Variants in PPFIA2 observed in about 807,000 individuals in gnomAD.
The protein encoded by PPFIA2 is liprin-alpha-2.
PPFIA2 carries 46 observed loss-of-function variants against 175.5 expected under a neutral mutation model. That is an observed-to-expected ratio of 0.26 (90% CI 0.21 to 0.34). The LOEUF (loss-of-function observed/expected upper bound fraction) is 0.34, where lower values mean the gene tolerates loss of function less well. Among genes scored for constraint, PPFIA2 ranks in the 10% least tolerant of loss-of-function variants. The pLI, the probability that PPFIA2 is intolerant of heterozygous loss-of-function variation, is 1.00. For missense variants in PPFIA2, 1,179 were observed against 1,506.1 expected (o/e 0.78, Z 3.60); for synonymous variants, 568 against 511.4 (o/e 1.11, Z -1.49).
chr12:81,664,698 A>T lies in PPFIA2; in HGVS notation c.303+12093T>A, dbSNP rs139036734. Among the ~76,000 whole-genome samples, 17 of 152,274 alleles carry T rather than the reference A, an allele frequency of 1.1e-4. No individual in the cohort carries two copies. In the East Asian group the frequency reaches 3.3e-3, roughly 29 times the overall value. On this transcript the variant is annotated intron_variant, in intron 4 of 32. Coordinates refer to ENST00000549396, the MANE Select transcript of PPFIA2 (RefSeq NM_003625.5). ...CATCCCATTACTGGGTACATACCCAAAGGATTATAAATCATGCTGCTATAA... is the reference window on the plus strand; with the variant it reads ...CATCCCATTACTGGGTACATACCCATAGGATTATAAATCATGCTGCTATAA...
At chr12:81,691,533 G>A (rs1314524481) in intron 3 of PPFIA2, among the ~76,000 whole-genome samples, 2 of 152,052 alleles carry the variant, frequency 1.3e-5, no homozygotes, top group East Asian at 3.9e-4. Context: ...CAGGCACAAT[G>A]ACAAGATAAC....
intron 11 of PPFIA2, among the ~76,000 whole-genome samples, chr12:81,373,032 A>G (rs559709515): frequency 2.0e-5 from 3 of 151,892 alleles, no homozygotes; most frequent in African/African-American, 7.2e-5. Flanking sequence ...TTCTAAATCA[A>G]TAATTCTTGG....
At chr12:81,706,993 T>C (rs1031081384) in intron 3 of PPFIA2, among the ~76,000 whole-genome samples, 15 of 152,118 alleles carry the variant, frequency 9.9e-5, no homozygotes, top group African/African-American at 3.4e-4. Context: ...ACTGGATCCC[T>C]TCCTTACACC....
intron 3 of PPFIA2, among the ~76,000 whole-genome samples, chr12:81,677,513 C>A (rs909245896): frequency 4.0e-5 from 6 of 151,876 alleles, no homozygotes; most frequent in Admixed American, 6.6e-5. Context: ...CTAGCCTTCC[C>A]AGTCTGTGGT....
chr12:81,290,257 T>TAA (rs34420766), intron 24 of PPFIA2, among the ~76,000 whole-genome samples: 210 of 147,684 alleles, frequency 1.4e-3, no homozygotes, highest in East Asian at 4.9e-3. Context: ...ATAACTTTGT[T>TAA]AAAAAAAAAA....
intron 7 of PPFIA2, among the ~76,000 whole-genome samples, chr12:81,428,407 A>G (rs1393964087): frequency 6.6e-6 from 1 of 152,030 alleles, no homozygotes; most frequent in Admixed American, 6.6e-5. Flanking sequence ...AGTAGCAAAC[A>G]GCAATTTTGT....
chr12:81,681,042 G>A (rs1357071703), intron 3 of PPFIA2, among the ~76,000 whole-genome samples: 1 of 151,916 alleles, frequency 6.6e-6, no homozygotes, highest in Non-Finnish European at 1.5e-5. Flanking sequence ...TCTTTATGCT[G>A]ACTGTGTAAG....
chr12:81,363,534 T>G (rs2031856847), intron 14 of PPFIA2, among the ~76,000 whole-genome samples: 1 of 151,742 alleles, frequency 6.6e-6, no homozygotes, highest in African/African-American at 2.4e-5. Flanking sequence ...ACTGTTATAT[T>G]GTTTTACAGG....
intron 7 of PPFIA2, among the ~76,000 whole-genome samples, chr12:81,421,186 A>T (rs2046180015): frequency 6.6e-6 from 1 of 152,138 alleles, no homozygotes; most frequent in Non-Finnish European, 1.5e-5. Context: ...TTCAAATTTT[A>T]ACAAAAACAT....
In PPFIA2 at chr12:81,438,713, G is replaced by T. The variant is rs186058886; in HGVS notation, c.645+1259C>A. Among the ~76,000 whole-genome samples, 530 of 151,914 alleles carry T rather than the reference G, an allele frequency of 3.5e-3. 2 individuals carry two copies. The highest frequency in any genetic ancestry group is 6.4e-3 in the Admixed American group (97 of 15,242). Reference sequence around the variant, plus strand: ...CATAATAGATGTACATACTTTGGGGGTACTTGTGATAATTTGATACATTCA... The same window carrying T: ...CATAATAGATGTACATACTTTGGGGTTACTTGTGATAATTTGATACATTCA... On this transcript the variant is annotated intron_variant, in intron 7 of 32. Coordinates refer to ENST00000549396, the MANE Select transcript of PPFIA2 (RefSeq NM_003625.5).
chr12:81,373,708 C>T (rs999402167), intron 11 of PPFIA2, among the ~76,000 whole-genome samples: 129 of 151,908 alleles, frequency 8.5e-4, no homozygotes, highest in African/African-American at 3.0e-3. Flanking sequence ...TAATTATTTG[C>T]TTTTTTAGAA....
chr12:81,484,012 A>C (rs973323327), intron 4 of PPFIA2, among the ~76,000 whole-genome samples: 3 of 151,964 alleles, frequency 2.0e-5, no homozygotes, highest in Admixed American at 6.6e-5. Flanking sequence ...CACTTTTAAA[A>C]TGTCCTACTG....
In PPFIA2 at chr12:81,686,367, T is replaced by C. The variant is rs946739516; in HGVS notation, c.250-9523A>G. Among the ~76,000 whole-genome samples the C allele has an allele frequency of 7.2e-5, 11 of 152,150 alleles. No homozygotes were observed. The South Asian group carries it at 1.2e-3, about 17-fold the overall frequency. On this transcript the variant is annotated intron_variant, in intron 3 of 32. Coordinates refer to ENST00000549396, the MANE Select transcript of PPFIA2 (RefSeq NM_003625.5). ...CCTGAATTCAAACCTAACTAGGAAA[T>C]ATAATGTGTATCAAAGGCACAAGTG...
intron 3 of PPFIA2, among the ~76,000 whole-genome samples, chr12:81,736,881 T>A (rs1056661726): frequency 2.0e-5 from 3 of 151,936 alleles, no homozygotes; most frequent in African/African-American, 7.2e-5. Flanking sequence ...CAGCTGGGAC[T>A]ACAGACATGT....
At chr12:81,687,499 G>A (rs913818184) in intron 3 of PPFIA2, 6 of 151,988 alleles carry the variant, frequency 3.9e-5, no homozygotes, top group Non-Finnish European at 1.5e-5. Flanking sequence ...AGACCGAAGG[G>A]AGGGTTCTAC....
chr12:81,422,478 A>C (rs1343314858), intron 7 of PPFIA2, among the ~76,000 whole-genome samples: 1 of 152,106 alleles, frequency 6.6e-6, no homozygotes, highest in African/African-American at 2.4e-5. Context: ...TGGAAAATTC[A>C]CAGCATGGGA....
intron 4 of PPFIA2, among the ~76,000 whole-genome samples, chr12:81,478,514 T>G (rs891308437): frequency 1.3e-5 from 2 of 152,014 alleles, no homozygotes; most frequent in Non-Finnish European, 2.9e-5. Context: ...GTTGTTCATT[T>G]TAGATTTTAG....
intron 3 of PPFIA2, among the ~76,000 whole-genome samples, chr12:81,735,709 C>T (rs959381210): frequency 5.9e-5 from 9 of 151,642 alleles, no homozygotes; most frequent in Admixed American, 3.3e-4. Flanking sequence ...CAGAGTGTAT[C>T]GTTTTGCTCT....
chr12:81,634,544 A>AT (rs2063769387), intron 4 of PPFIA2, among the ~76,000 whole-genome samples: 1 of 151,964 alleles, frequency 6.6e-6, no homozygotes, highest in South Asian at 2.1e-4. Context: ...TTAAACATGA[A>AT]TTTTGTGTGG....
Sources: allele counts gnomAD v4.1 joint callset (sites outside exome capture counted in the v4.1 genomes callset), GRCh38; gene constraint gnomAD v4.1.1; transcripts MANE v1.5; gene names NCBI Gene and HGNC (gene_info 2026-07-23, HGNC 2026-07-21).